ADGRB3: variants seen among roughly 807,000 people sequenced by gnomAD.
ADGRB3 encodes the protein brain-specific angiogenesis inhibitor 3.
In ADGRB3, 37 loss-of-function variants were observed where a neutral mutation model predicts 193.4. That is an observed-to-expected ratio of 0.19 (90% CI 0.15 to 0.25). ADGRB3 has a LOEUF of 0.25. Among genes scored for constraint, ADGRB3 ranks in the 10% least tolerant of loss-of-function variants. ADGRB3 has a pLI of 1.00. For synonymous variants in ADGRB3, 690 were observed against 644.2 expected (o/e 1.07, Z -1.08); for missense variants, 1,637 against 1,852.9 (o/e 0.88, Z 2.14).
At chr6:69,264,513 C>A (rs1766998956) in intron 20 of ADGRB3, among the ~76,000 whole-genome samples, 1 of 148,356 alleles carries the variant, frequency 6.7e-6, no homozygotes, top group African/African-American at 2.5e-5. Flanking sequence ...TTCTCATCTC[C>A]TTTTTTTTTT....
rs9446054 is a variant in ADGRB3, at chr6:68,719,304, A to T, written c.757+79872A>T. On this transcript the variant is annotated intron_variant, in intron 3 of 31. Coordinates refer to ENST00000370598, the MANE Select transcript of ADGRB3 (RefSeq NM_001704.3). Reference sequence around the variant, plus strand: ...CCAGTGCAATAGCCACTAGGCCTATATGGCTATGGAACATTTTAGGTATGA... The same window carrying T: ...CCAGTGCAATAGCCACTAGGCCTATTTGGCTATGGAACATTTTAGGTATGA... Among the ~76,000 whole-genome samples the T allele has an allele frequency of 3.7e-3, 568 of 151,896 alleles. 1 individual carries two copies. The highest frequency in any genetic ancestry group is 0.013 in the African/African-American group (534 of 41,494).
intron 31 of ADGRB3, among the ~76,000 whole-genome samples, chr6:69,385,874 G>A (rs866928728): frequency 6.6e-6 from 1 of 151,834 alleles, no homozygotes. Context: ...CTCTTATCAC[G>A]CCCAACACGC....
intron 17 of ADGRB3, among the ~76,000 whole-genome samples, chr6:69,096,842 C>A (rs1359250288): frequency 6.6e-6 from 1 of 152,126 alleles, no homozygotes; most frequent in Non-Finnish European, 1.5e-5. Flanking sequence ...AGAGGTTTTT[C>A]TCATGTGTTT....
intron 3 of ADGRB3, among the ~76,000 whole-genome samples, chr6:68,793,686 G>C (rs1327874421): frequency 6.6e-6 from 1 of 152,040 alleles, no homozygotes; most frequent in Admixed American, 6.6e-5. Flanking sequence ...GTGCCACCAT[G>C]CTCGGCTAAT....
At chr6:68,731,191 T>C (rs1765767827) in intron 3 of ADGRB3, among the ~76,000 whole-genome samples, 1 of 151,704 alleles carries the variant, frequency 6.6e-6, no homozygotes, top group African/African-American at 2.4e-5. Context: ...TACTATTTGG[T>C]AAATAATTCT....
At chr6:68,828,639 A>G (rs1232084478) in intron 3 of ADGRB3, among the ~76,000 whole-genome samples, 2 of 124,888 alleles carry the variant, frequency 1.6e-5, no homozygotes, top group Non-Finnish European at 3.3e-5. Context: ...ATACATATAA[A>G]CAAAGAAAAT....
At chr6:69,027,952 G>T (rs1323645798) in intron 13 of ADGRB3, among the ~76,000 whole-genome samples, 2 of 152,156 alleles carry the variant, frequency 1.3e-5, no homozygotes, top group Admixed American at 6.5e-5. Context: ...AGAATTCAAA[G>T]CAGTCTTATT....
intron 21 of ADGRB3, among the ~76,000 whole-genome samples, chr6:69,327,531 AT>A (rs1236811440): frequency 6.6e-6 from 1 of 152,162 alleles, no homozygotes; most frequent in African/African-American, 2.4e-5. Context: ...AGGGAAAAAA[AT>A]AACTTAAAAG....
At chr6:69,085,415 A>G (rs768619921) in intron 17 of ADGRB3, among the ~76,000 whole-genome samples, 3 of 152,082 alleles carry the variant, frequency 2.0e-5, no homozygotes, top group Non-Finnish European at 1.5e-5. Context: ...AATAAGAGCA[A>G]CACAGAGCTG....
At chr6:69,245,182 A>G (rs1289738623) in intron 20 of ADGRB3, among the ~76,000 whole-genome samples, 1 of 152,014 alleles carries the variant, frequency 6.6e-6, no homozygotes, top group Non-Finnish European at 1.5e-5. Flanking sequence ...TATTTCTCAG[A>G]TCTAGTTTCT....
intron 16 of ADGRB3, among the ~76,000 whole-genome samples, chr6:69,073,767 A>T (rs1196387732): frequency 6.6e-6 from 1 of 152,134 alleles, no homozygotes; most frequent in Middle Eastern, 3.2e-3. Flanking sequence ...GACTGCTCAG[A>T]GCTGACTTTG....
intron 15 of ADGRB3, among the ~76,000 whole-genome samples, chr6:69,053,138 A>C (rs1198905662): frequency 6.6e-6 from 1 of 152,134 alleles, no homozygotes; most frequent in African/African-American, 2.4e-5. Context: ...GTGAGCAGAG[A>C]TCCCACCATT....
chr6:68,743,933 T>C (rs1766031437), intron 3 of ADGRB3, among the ~76,000 whole-genome samples: 1 of 152,094 alleles, frequency 6.6e-6, no homozygotes, highest in South Asian at 2.1e-4. Context: ...AGAGCCCTCC[T>C]CCTTTTTTTG....
At chr6:69,319,910 A>T (rs577511984) in intron 20 of ADGRB3, among the ~76,000 whole-genome samples, 2 of 151,586 alleles carry the variant, frequency 1.3e-5, no homozygotes, top group East Asian at 3.9e-4. Context: ...AAGTATTACC[A>T]TTTATTGTGA....
intron 3 of ADGRB3, among the ~76,000 whole-genome samples, chr6:68,647,912 G>A (rs1186980203): frequency 4.6e-5 from 7 of 151,944 alleles, no homozygotes; most frequent in East Asian, 3.9e-4. Context: ...CAATGATCCC[G>A]AATATCCCCC....
At chr6:68,971,525 T>C (rs966018393) in intron 8 of ADGRB3, among the ~76,000 whole-genome samples, 16 of 152,202 alleles carry the variant, frequency 1.1e-4, no homozygotes, top group African/African-American at 3.9e-4. Context: ...CCTGTGTTGT[T>C]CAAGGATTAA....
Position 69,049,289 on chromosome 6 carries a change from T to A in ADGRB3, c.2276T>A (p.Val759Glu). 1 of 1,606,962 alleles carries A rather than the reference T, an allele frequency of 6.2e-7. No homozygotes were observed. Among genetic ancestry groups the A allele is most frequent in the Admixed American group, 1.7e-5 (1 of 59,480 alleles). ...VSSKELDESS[V>E]FVLGAVLYKN... Reference sequence around the variant, plus strand: ...TTTCTAGAATTAGATGAATCATCTGTATTTGTTCTTGGCGCAGTCCTATAC... The same window carrying A: ...TTTCTAGAATTAGATGAATCATCTGAATTTGTTCTTGGCGCAGTCCTATAC... Residue 759 changes from valine to glutamate, a missense_variant, in exon 15 of 32, where the codon GTA becomes GAA. Transcript: ENST00000370598.
At chr6:68,981,082 C>G (rs911260265) in intron 10 of ADGRB3, among the ~76,000 whole-genome samples, 1 of 151,582 alleles carries the variant, frequency 6.6e-6, no homozygotes, top group African/African-American at 2.4e-5. Context: ...ACTTAGTACT[C>G]AAGACATAGC....
intron 3 of ADGRB3, among the ~76,000 whole-genome samples, chr6:68,846,008 A>G (rs928472793): frequency 6.6e-6 from 1 of 152,146 alleles, no homozygotes; most frequent in Non-Finnish European, 1.5e-5. Context: ...GCTGATAATG[A>G]TATGAAAAGT....
Sources: allele counts gnomAD v4.1 joint callset (sites outside exome capture counted in the v4.1 genomes callset), GRCh38; gene constraint gnomAD v4.1.1; transcripts MANE v1.5; gene names NCBI Gene and HGNC (gene_info 2026-07-23, HGNC 2026-07-21).